FLVCR2: variants seen among roughly 807,000 people sequenced by gnomAD.
FLVCR2 encodes FLVCR choline and putative heme transporter 2.
A neutral mutation model predicts 48.9 loss-of-function variants in FLVCR2; 38 were observed. That is an observed-to-expected ratio of 0.78 (90% CI 0.60 to 1.02). The LOEUF (loss-of-function observed/expected upper bound fraction) is 1.02, where lower values mean the gene tolerates loss of function less well. FLVCR2 is among the 50% of genes least tolerant of loss of function. FLVCR2 has a pLI of 0.00. For missense variants in FLVCR2, 664 were observed against 663.3 expected (o/e 1.00, Z -0.01); for synonymous variants, 255 against 257.0 (o/e 0.99, Z 0.07).
At chr14:75,643,130 G>A (rs1389003979) in intron 9 of FLVCR2, among the ~76,000 whole-genome samples, 1 of 152,202 alleles carries the variant, frequency 6.6e-6, no homozygotes, top group Non-Finnish European at 1.5e-5. Flanking sequence ...CCAAAGTGCT[G>A]GGATTACAGG....
At chr14:75,640,636 C>T in intron 6 of FLVCR2, 1 of 400,234 alleles carries the variant, frequency 2.5e-6, no homozygotes, top group Non-Finnish European at 4.7e-6. Context: ...AGTCTCTCAG[C>T]TGAAGGTTGA....
At chr14:75,617,507 T>G (rs1040514010) in intron 1 of FLVCR2, among the ~76,000 whole-genome samples, 5 of 152,254 alleles carry the variant, frequency 3.3e-5, no homozygotes, top group Non-Finnish European at 5.9e-5. Context: ...ACTATAGTTG[T>G]AAAGCTTACC....
intron 1 of FLVCR2, chr14:75,604,056 T>A (rs1889230907): frequency 6.6e-6 from 1 of 152,270 alleles, no homozygotes; most frequent in Admixed American, 6.5e-5. Flanking sequence ...GAGAAGATTC[T>A]CATGCCTGGG....
chr14:75,615,410 C>A (rs1889582372), intron 1 of FLVCR2, among the ~76,000 whole-genome samples: 1 of 152,144 alleles, frequency 6.6e-6, no homozygotes, highest in African/African-American at 2.4e-5. Context: ...CCCAAATAAA[C>A]CAAGTGCATC....
intron 1 of FLVCR2, among the ~76,000 whole-genome samples, chr14:75,604,430 A>C (rs1889240726): frequency 6.6e-6 from 1 of 152,232 alleles, no homozygotes; most frequent in Non-Finnish European, 1.5e-5. Flanking sequence ...TCAGATAAGA[A>C]GTGCTAAATG....
chr14:75,641,367 G>C (rs1890305516), intron 8 of FLVCR2, 74 bp downstream of exon 8: 1 of 931,916 alleles, frequency 1.1e-6, no homozygotes, highest in Admixed American at 1.7e-5. Context: ...TGGAGCAACA[G>C]ATAGGGAGTA....
At chr14:75,605,141 C>G (rs566195837) in intron 1 of FLVCR2, among the ~76,000 whole-genome samples, 2 of 152,184 alleles carry the variant, frequency 1.3e-5, no homozygotes, top group African/African-American at 2.4e-5. Flanking sequence ...ACAGGATGTC[C>G]TTCCCTTGAC....
intron 3 of FLVCR2, among the ~76,000 whole-genome samples, chr14:75,629,131 G>A (rs1008508193): frequency 2.0e-5 from 3 of 152,102 alleles, no homozygotes; most frequent in African/African-American, 4.8e-5. Flanking sequence ...AAGTGTTGCT[G>A]GCTTTTCCCT....
At chr14:75,598,001 T>A (rs79429659) in intron 1 of FLVCR2, among the ~76,000 whole-genome samples, 1 of 147,678 alleles carries the variant, frequency 6.8e-6, no homozygotes, top group East Asian at 2.0e-4. Context: ...TCAGGGCTGA[T>A]TTTTTTTTTT....
chr14:75,622,017 C>A, intron 1 of FLVCR2, 62 bp from the exon 2 acceptor site: 1 of 1,537,160 alleles, frequency 6.5e-7, no homozygotes, highest in Non-Finnish European at 9.0e-7. Context: ...AATCTCTTTA[C>A]ATTTGTGTTG....
At position 75,633,632 on chromosome 14, in the gene FLVCR2, T is replaced by C; in HGVS notation, c.956T>C (p.Leu319Pro). The C allele has an allele frequency of 6.2e-7, 1 of 1,613,836 alleles. No homozygotes were observed. The highest frequency in any genetic ancestry group is 1.1e-5 in the South Asian group (1 of 91,078). The change falls in exon 4 of 10, where the codon CTG becomes CCG. Residue 319 changes from leucine (L) to proline (P), a missense_variant. Transcript: ENST00000238667. ...NFVLLVITYG[L>P]NAGAFYALST... is the part of the protein sequence containing the mutation. Reference sequence around the variant, plus strand: ...TATTTCTCGCTCCCTTCTTCAGGTCTGAATGCTGGTGCTTTTTATGCCTTG... The same window carrying C: ...TATTTCTCGCTCCCTTCTTCAGGTCCGAATGCTGGTGCTTTTTATGCCTTG...
In FLVCR2 at chr14:75,625,180, C is replaced by T. The variant is rs187939671; in HGVS notation, c.952+428C>T. On this transcript the variant is annotated intron_variant, in intron 3 of 9. Coordinates refer to ENST00000238667, the MANE Select transcript of FLVCR2 (RefSeq NM_017791.3). ...ATAGTTCCTCAGCAGTGTCGGGCCT[C>T]GAGTGACTATTCCAGTAGTTACTGA... 1.7e-3 allele frequency among the ~76,000 whole-genome samples: 264 copies of T among 152,138 alleles called. 3 individuals carry two copies. Among genetic ancestry groups the T allele is most frequent in the African/African-American group, 6.2e-3 (258 of 41,432 alleles).
chr14:75,617,500 A>G (rs1319358850), intron 1 of FLVCR2, among the ~76,000 whole-genome samples: 3 of 152,218 alleles, frequency 2.0e-5, no homozygotes, highest in Admixed American at 6.5e-5. Flanking sequence ...GAAGTAAACT[A>G]TAGTTGTAAA....
At chr14:75,644,050 A>AG (rs1366540294) in intron 9 of FLVCR2, among the ~76,000 whole-genome samples, 3 of 151,700 alleles carry the variant, frequency 2.0e-5, no homozygotes, top group East Asian at 3.9e-4. Context: ...AAAAAAAAAA[A>AG]AGAGAGAGAG....
chr14:75,629,385 CGGA>C (rs1889982595), intron 3 of FLVCR2, among the ~76,000 whole-genome samples: 3 of 151,876 alleles, frequency 2.0e-5, no homozygotes, highest in Non-Finnish European at 4.4e-5. Context: ...CTTGATGTTG[CGGA>C]AATATCATAT....
At chr14:75,616,658 A>T (rs1056383371) in intron 1 of FLVCR2, among the ~76,000 whole-genome samples, 8 of 152,284 alleles carry the variant, frequency 5.3e-5, no homozygotes, top group Admixed American at 6.5e-5. Context: ...TGGTTTGAGC[A>T]AATTGGGGCC....
chr14:75,612,042 C>T (rs1267697945), intron 1 of FLVCR2, among the ~76,000 whole-genome samples: 1 of 152,108 alleles, frequency 6.6e-6, no homozygotes, highest in Non-Finnish European at 1.5e-5. Context: ...ACTTAAATGC[C>T]AATTTCCTCC....
At chr14:75,642,892 T>A (rs1594817879) in intron 9 of FLVCR2, among the ~76,000 whole-genome samples, 2 of 152,208 alleles carry the variant, frequency 1.3e-5, no homozygotes, top group African/African-American at 4.8e-5. Flanking sequence ...GACACAGTCT[T>A]GCTCCGTCAC....
chr14:75,635,124 G>T (rs1890135045), intron 5 of FLVCR2, 111 bp downstream of exon 5: 1 of 757,610 alleles, frequency 1.3e-6, no homozygotes, highest in South Asian at 1.5e-5. Context: ...TGGCCAAGCA[G>T]GTCATTCAAG....
Sources: gnomAD v4.1 joint callset for allele counts (sites outside exome capture counted in the v4.1 genomes callset) on GRCh38, gnomAD v4.1.1 for gene constraint, MANE v1.5 for transcripts, NCBI Gene and HGNC (gene_info 2026-07-23, HGNC 2026-07-21) for gene names.